Variants in SYNE1 observed in about 807,000 individuals in gnomAD.
SYNE1 encodes the protein nesprin-1.
Under a neutral mutation model 1,111.0 loss-of-function variants are expected in SYNE1, and 616 were observed. The observed-to-expected ratio is 0.55, with a 90% CI of 0.52 to 0.59. The LOEUF (loss-of-function observed/expected upper bound fraction) is 0.59, where lower values mean the gene tolerates loss of function less well. Ranked by LOEUF, SYNE1 falls within the 20% of genes least tolerant of loss-of-function variation. The pLI is 0.00. For missense variants in SYNE1, 10,006 were observed against 10,417.0 expected (o/e 0.96, Z 1.72); for synonymous variants, 3,855 against 3,825.8 (o/e 1.01, Z -0.28).
intron 127 of SYNE1, among the ~76,000 whole-genome samples, chr6:152,193,063 T>C (rs2073017567): frequency 6.6e-6 from 1 of 152,214 alleles, no homozygotes. Flanking sequence ...ATATTAAATG[T>C]TGTTATTGAT....
chr6:152,364,856 C>A lies in SYNE1; in HGVS notation c.10136G>T (p.Arg3379Leu), dbSNP rs764835758. ...MWASLLSAGI[R>L]CKSQLEGALS... ...CTGTAGTTTCCCTCACCTTTTACAA[C>A]GAATCCCTGCAGACAAAAGGGATGC... is the stretch of plus-strand genomic sequence containing the variant. The change falls in exon 63 of 146, where the codon CGT becomes CTT. Residue 3379 changes from arginine (R) to leucine (L), a missense_variant. By Grantham distance (102) the Arg-to-Leu change is moderately radical. Around this residue, in one of 7 missense-constraint regions of SYNE1, gnomAD observed 4,955 missense variants for 5,017.2 expected, o/e 0.99. Transcript: ENST00000367255. 6.2e-7 allele frequency: 1 copy of A among 1,614,166 alleles called. No individual in the cohort carries two copies. Among genetic ancestry groups the A allele is most frequent in the Non-Finnish European group, 8.5e-7 (1 of 1,180,030 alleles).
intron 115 of SYNE1, among the ~76,000 whole-genome samples, chr6:152,226,803 G>A (rs1253022675): frequency 1.3e-5 from 2 of 152,292 alleles, no homozygotes; most frequent in South Asian, 2.1e-4. Flanking sequence ...CCAGCCTGAT[G>A]CCAGAAGGAG....
chr6:152,352,476 C>T, intron 69 of SYNE1, 123 bp from the exon 70 acceptor site: 1 of 1,018,682 alleles, frequency 9.8e-7, no homozygotes, highest in Non-Finnish European at 1.4e-6. Context: ...AATCTTGGCT[C>T]ACTGCAACTT....
At chr6:152,282,250 C>A (rs557856254) in intron 96 of SYNE1, among the ~76,000 whole-genome samples, 4 of 152,060 alleles carry the variant, frequency 2.6e-5, no homozygotes, top group Admixed American at 6.5e-5. Flanking sequence ...ACCTATAGGA[C>A]CAGGCAGTAA....
chr6:152,573,257 G>A (rs2128327034), intron 3 of SYNE1, among the ~76,000 whole-genome samples: 1 of 151,668 alleles, frequency 6.6e-6, no homozygotes, highest in Admixed American at 6.6e-5. Context: ...ATGTATACAT[G>A]TGCCATGTTG....
intron 3 of SYNE1, among the ~76,000 whole-genome samples, chr6:152,614,724 G>A (rs1441434644): frequency 6.6e-6 from 1 of 152,120 alleles, no homozygotes; most frequent in East Asian, 1.9e-4. Context: ...CAAAGACTTG[G>A]AACAAACCCA....
chr6:152,214,007 C>G (rs770472691), intron 122 of SYNE1, among the ~76,000 whole-genome samples: 62 of 151,998 alleles, frequency 4.1e-4, no homozygotes, highest in Admixed American at 8.5e-4. Flanking sequence ...TGTAGACCAG[C>G]CTGGTCAACA....
In SYNE1 at chr6:152,326,082, T is replaced by C. The variant is rs746709058; in HGVS notation, c.15314A>G (p.Asp5105Gly). ...AACCTCTTCCCTTGCTTTCTGGTAATCGTGCCATTGAGCTGTGCATCTTGA... is the reference window on the plus strand; with the variant it reads ...AACCTCTTCCCTTGCTTTCTGGTAACCGTGCCATTGAGCTGTGCATCTTGA... ...LLQRCTAQWH[D>G]YQKAREEVIE... Residue 5105 changes from aspartate to glycine, a missense_variant, in exon 80 of 146, where the codon GAT becomes GGT. By Grantham distance (94) the Asp-to-Gly change is moderately conservative (BLOSUM62 -1). This residue lies in a region of SYNE1 where 4,955 missense variants were observed against 5,017.2 expected (regional missense o/e 0.99). Transcript: ENST00000367255. 2.5e-6 allele frequency: 4 copies of C among 1,614,186 alleles called. No homozygotes were observed. In the South Asian group the frequency reaches 3.3e-5, roughly 13 times the overall value.
intron 130 of SYNE1, chr6:152,167,787 T>C (rs373585921): frequency 1.0e-5 from 6 of 572,834 alleles, no homozygotes; most frequent in Non-Finnish European, 1.8e-5. Context: ...ACTGAGTCTT[T>C]TTCTGGATCG....
Position 152,220,831 on chromosome 6 carries a change from C to G in SYNE1, c.21861+11G>C. 6.2e-7 allele frequency: 1 copy of G among 1,612,586 alleles called. No individual in the cohort carries two copies. The highest frequency in any genetic ancestry group is 1.1e-5 in the South Asian group (1 of 90,986). ...GGCATGTGGGGAAAACAAGGTAGCT[C>G]CTGAACATACGTTGCAATCTTGAAT... On this transcript the variant is annotated intron_variant, in intron 119 of 145. Transcript: ENST00000367255.
At chr6:152,480,339 G>A (rs1213731832) in intron 14 of SYNE1, among the ~76,000 whole-genome samples, 13 of 151,924 alleles carry the variant, frequency 8.6e-5, no homozygotes, top group South Asian at 2.1e-4. Context: ...TGGCCAACAC[G>A]GCGAAACCAC....
chr6:152,408,993 A>G (rs2097956826), intron 44 of SYNE1, 75 bp downstream of exon 44: 1 of 1,466,154 alleles, frequency 6.8e-7, no homozygotes, highest in African/African-American at 1.4e-5. Context: ...ATCCTTGAAT[A>G]ACGCTTTGTC....
intron 6 of SYNE1, among the ~76,000 whole-genome samples, chr6:152,514,667 A>G (rs927960377): frequency 2.0e-5 from 3 of 152,010 alleles, no homozygotes; most frequent in Admixed American, 6.6e-5. Context: ...CCAAAAAAAA[A>G]AAAAATGAAG....
chr6:152,529,411 A>G (rs778076492), intron 4 of SYNE1, among the ~76,000 whole-genome samples: 9 of 152,108 alleles, frequency 5.9e-5, no homozygotes, highest in Non-Finnish European at 1.0e-4. Flanking sequence ...GGTCCAGAAG[A>G]TGTCTGGGAT....
chr6:152,257,480 G>A (rs1450804586), intron 101 of SYNE1, among the ~76,000 whole-genome samples: 1 of 152,146 alleles, frequency 6.6e-6, no homozygotes, highest in East Asian at 1.9e-4. Flanking sequence ...GCAGTGAGCT[G>A]AGATCACACC....
intron 73 of SYNE1, among the ~76,000 whole-genome samples, chr6:152,346,120 T>C (rs745583007): frequency 3.9e-5 from 6 of 152,204 alleles, no homozygotes; most frequent in Non-Finnish European, 7.3e-5. Context: ...TATTTTTTTC[T>C]TTTTTAAATT....
intron 36 of SYNE1, 120 bp downstream of exon 36, chr6:152,429,992 A>G: frequency 1.4e-6 from 1 of 711,960 alleles, no homozygotes; most frequent in Non-Finnish European, 2.5e-6. Context: ...TAATTACTCA[A>G]CTAATATAAA....
chr6:152,383,405 T>A (rs1397229026), intron 55 of SYNE1, among the ~76,000 whole-genome samples: 1 of 152,222 alleles, frequency 6.6e-6, no homozygotes, highest in African/African-American at 2.4e-5. Flanking sequence ...TTTCTCACCT[T>A]CCCTTGCTGT....
intron 4 of SYNE1, among the ~76,000 whole-genome samples, chr6:152,534,187 A>G (rs1222583385): frequency 7.2e-6 from 1 of 139,232 alleles, no homozygotes; most frequent in Non-Finnish European, 1.5e-5. Context: ...TGAATGAATG[A>G]ATGAATGAAT....
Sources: allele counts gnomAD v4.1 joint callset (sites outside exome capture counted in the v4.1 genomes callset), GRCh38; gene constraint gnomAD v4.1.1; regional missense constraint gnomAD v4.1.1; transcripts MANE v1.5; gene names NCBI Gene and HGNC (gene_info 2026-07-23, HGNC 2026-07-21).